RGPD3: variants seen among roughly 807,000 people sequenced by gnomAD.
RGPD3 encodes ranBP2-like and GRIP domain-containing protein 3.
Under a neutral mutation model 154.5 loss-of-function variants are expected in RGPD3, and 62 were observed. That is an observed-to-expected ratio of 0.40 (90% CI 0.33 to 0.50). The LOEUF is 0.50. Ranked by LOEUF, RGPD3 falls within the 20% of genes least tolerant of loss-of-function variation. The pLI, the probability that RGPD3 is intolerant of heterozygous loss-of-function variation, is 0.59. For missense variants in RGPD3, 919 were observed against 1,716.8 expected, an observed-to-expected ratio of 0.54 and a Z score of 8.21; for synonymous variants, 308 against 607.0, an observed-to-expected ratio of 0.51 and a Z score of 7.24.
At chr2:106,462,715 G>A (rs908706491) in intron 1 of RGPD3, among the ~76,000 whole-genome samples, 2 of 151,912 alleles carry the variant, frequency 1.3e-5, no homozygotes, top group Non-Finnish European at 2.9e-5. Context: ...ACGGAGTCTC[G>A]CTCTGTCACC....
chr2:106,414,379 T>C (rs2104446454), intron 21 of RGPD3, among the ~76,000 whole-genome samples: 1 of 152,184 alleles, frequency 6.6e-6, no homozygotes, highest in East Asian at 1.9e-4. Context: ...ATCCCAACAC[T>C]TTGGGAGGCT....
Position 106,434,240 on chromosome 2 carries a change from T to C in RGPD3, c.2193A>G (p.Ser731=). 2 of 1,586,704 alleles carry C rather than the reference T, an allele frequency of 1.3e-6. No individual in the cohort carries two copies. Among genetic ancestry groups the C allele is most frequent in the Non-Finnish European group, 1.7e-6 (2 of 1,165,932 alleles). The change falls in exon 15 of 23, where the codon TCA becomes TCG. Residue 731 remains serine (S), a synonymous_variant. Coordinates refer to ENST00000409886, the MANE Select transcript of RGPD3 (RefSeq NM_001144013.2). ...ACCTGCTACTTACTTTCTTGACCAC[T>C]GAAAGATTTGAATCACTGTCATCTA... ...KILDDSDSNL[S]VVKKLPVPLE...
intron 1 of RGPD3, among the ~76,000 whole-genome samples, chr2:106,463,008 TA>T (rs1314669336): frequency 3.1e-3 from 449 of 146,704 alleles, no homozygotes; most frequent in African/African-American, 0.01. Flanking sequence ...TAAACATCAT[TA>T]AAAAAAAGGG....
rs554539041 is a variant in RGPD3, at chr2:106,457,274, G to A, written c.253-151C>T. On this transcript the variant is annotated intron_variant, in intron 3 of 22. Transcript: ENST00000409886. ...TCTGGAGAAAACATATTACTTCAAA[G>A]GTGTTCAAATAAAAGTGTCTTGGAA... 2.6e-5 allele frequency among the ~76,000 whole-genome samples: 4 copies of A among 152,324 alleles called. No individual in the cohort carries two copies. In the East Asian group the frequency reaches 7.7e-4, roughly 29 times the overall value.
At chr2:106,465,997 G>A (rs1055993953) in intron 1 of RGPD3, among the ~76,000 whole-genome samples, 1 of 152,026 alleles carries the variant, frequency 6.6e-6, no homozygotes, top group African/African-American at 2.4e-5. Flanking sequence ...CCAGGCCAAG[G>A]AGGTATGACC....
At chr2:106,426,815 C>T (rs1172600969) in intron 18 of RGPD3, among the ~76,000 whole-genome samples, 2 of 152,230 alleles carry the variant, frequency 1.3e-5, no homozygotes, top group African/African-American at 2.4e-5. Flanking sequence ...GAAGAAGAAA[C>T]AGAAACTGTG....
Position 106,404,021 on chromosome 2 carries a change from T to C in RGPD3, c.*1198A>G, listed in dbSNP as rs1204896610. 7.2e-5 allele frequency among the ~76,000 whole-genome samples: 11 copies of C among 152,126 alleles called. No homozygotes were observed. Among genetic ancestry groups the C allele is most frequent in the African/African-American group, 2.7e-4 (11 of 41,342 alleles). On this transcript the variant is annotated 3_prime_UTR_variant, in exon 23 of 23. Transcript: ENST00000409886. ...GTTTGGATCTAGTCATTAAAACATA[T>C]GCAGCGGTGTCAAAGGCAAGTAACA...
At chr2:106,440,508 G>A (rs1364729496) in intron 8 of RGPD3, among the ~76,000 whole-genome samples, 1 of 149,810 alleles carries the variant, frequency 6.7e-6, no homozygotes, top group Non-Finnish European at 1.5e-5. Context: ...AAAGAGAAAA[G>A]GAAAAAAGTA....
chr2:106,410,631 A>T (rs1234960708), intron 22 of RGPD3, among the ~76,000 whole-genome samples: 3 of 152,192 alleles, frequency 2.0e-5, no homozygotes, highest in African/African-American at 7.2e-5. Flanking sequence ...AAACGTTCTT[A>T]AAGTCCTGGT....
At chr2:106,415,725 A>T (rs947144546) in intron 21 of RGPD3, 125 bp downstream of exon 21, 1 of 1,075,138 alleles carries the variant, frequency 9.3e-7, no homozygotes, top group Non-Finnish European at 1.4e-6. Context: ...TCAGGAATCT[A>T]ATATAAAGAT....
At chr2:106,443,762 C>A (rs1289929497) in intron 7 of RGPD3, among the ~76,000 whole-genome samples, 1 of 115,824 alleles carries the variant, frequency 8.6e-6, no homozygotes, top group African/African-American at 3.3e-5. Flanking sequence ...GTGGCACGAT[C>A]TCGGCTCACT....
intron 20 of RGPD3, among the ~76,000 whole-genome samples, chr2:106,421,614 T>G (rs936087568): frequency 6.6e-6 from 1 of 151,772 alleles, no homozygotes; most frequent in African/African-American, 2.4e-5. Flanking sequence ...AAAAATGATC[T>G]GTGCAACATA....
chr2:106,413,724 G>A (rs1676740860), intron 21 of RGPD3, among the ~76,000 whole-genome samples: 1 of 152,078 alleles, frequency 6.6e-6, no homozygotes, highest in African/African-American at 2.4e-5. Context: ...GTGGAAATGA[G>A]TCAGTCCAGC....
intron 4 of RGPD3, among the ~76,000 whole-genome samples, chr2:106,454,770 G>A (rs1427317940): frequency 6.6e-6 from 1 of 151,986 alleles, no homozygotes; most frequent in Admixed American, 6.6e-5. Flanking sequence ...CGCCCAATAT[G>A]GGAGTTATGT....
chr2:106,437,794 TTATA>T (rs1677611209), intron 9 of RGPD3, among the ~76,000 whole-genome samples: 1 of 151,862 alleles, frequency 6.6e-6, no homozygotes, highest in African/African-American at 2.4e-5. Flanking sequence ...ATAAAAAAGA[TTATA>T]TTGCCAATAA....
chr2:106,425,016 A>T lies in RGPD3; in HGVS notation c.2951T>A (p.Phe984Tyr). Residue 984 changes from phenylalanine to tyrosine, a missense_variant, in exon 20 of 23, where the codon TTT becomes TAT. Transcript: ENST00000409886. ...DVAKSTSGEG[F>Y]QFGKKDLNFK... Reference sequence around the variant, plus strand: ...ATTGAGGTCTTTTTTGCCAAACTGAAATCCTTCTCCTGAAGTTGATTTTGC... The same window carrying T: ...ATTGAGGTCTTTTTTGCCAAACTGATATCCTTCTCCTGAAGTTGATTTTGC... The T allele has an allele frequency of 6.2e-7, 1 of 1,611,856 alleles. No individual in the cohort carries two copies. Among genetic ancestry groups the T allele is most frequent in the Non-Finnish European group, 8.5e-7 (1 of 1,179,822 alleles).
At chr2:106,466,130 C>T (rs1007601440) in intron 1 of RGPD3, among the ~76,000 whole-genome samples, 1 of 151,890 alleles carries the variant, frequency 6.6e-6, no homozygotes, top group Non-Finnish European at 1.5e-5. Context: ...AAGCCCGGGC[C>T]AGGACGGGCC....
intron 1 of RGPD3, among the ~76,000 whole-genome samples, chr2:106,464,993 G>T (rs937849510): frequency 1.3e-5 from 2 of 150,744 alleles, no homozygotes; most frequent in African/African-American, 2.4e-5. Flanking sequence ...TTTAAGAAGG[G>T]CAAAAGCACA....
intron 19 of RGPD3, 100 bp from the exon 20 acceptor site, chr2:106,425,366 A>G: frequency 6.5e-7 from 1 of 1,548,418 alleles, no homozygotes; most frequent in Non-Finnish European, 8.7e-7. Context: ...AAATGATGTT[A>G]ACAATAATGA....
Sources: allele counts gnomAD v4.1 joint callset (sites outside exome capture counted in the v4.1 genomes callset), GRCh38; gene constraint gnomAD v4.1.1; transcripts MANE v1.5; gene names NCBI Gene and HGNC (gene_info 2026-07-23, HGNC 2026-07-21).